ADGRE1: variants seen among roughly 807,000 people sequenced by gnomAD.
ADGRE1 encodes the protein adhesion G protein-coupled receptor E1, also known as EGF-like module receptor 1.
A neutral mutation model predicts 102.7 loss-of-function variants in ADGRE1; 82 were observed. The observed-to-expected ratio is 0.80, with a 90% CI of 0.67 to 0.96. ADGRE1 has a LOEUF of 0.96. Among genes scored for constraint, ADGRE1 ranks in the 40% least tolerant of loss-of-function variants. The pLI, the probability that ADGRE1 is intolerant of heterozygous loss-of-function variation, is 0.00. For synonymous variants in ADGRE1, 398 were observed against 399.6 expected (o/e 1.00, Z 0.05); for missense variants, 1,032 against 1,085.3 (o/e 0.95, Z 0.69).
Position 6,919,794 on chromosome 19 carries a change from C to T in ADGRE1, c.1620+47C>T, listed in dbSNP as rs781414508. On this transcript the variant is annotated intron_variant, in intron 13 of 20. Transcript: ENST00000312053. ...GAGATTCTTGTCTACCTGTTGGGAACTCCTCGTCTCTCGATTGCCTTAACT... is the reference window on the plus strand; with the variant it reads ...GAGATTCTTGTCTACCTGTTGGGAATTCCTCGTCTCTCGATTGCCTTAACT... 10 of 1,566,604 alleles carry T rather than the reference C, an allele frequency of 6.4e-6. No homozygotes were observed. The East Asian group carries it at 1.8e-4, about 28-fold the overall frequency.
intron 2 of ADGRE1, among the ~76,000 whole-genome samples, chr19:6,892,680 A>G (rs1973423495): frequency 6.6e-6 from 1 of 152,218 alleles, no homozygotes; most frequent in African/African-American, 2.4e-5. Context: ...CAACTCCACT[A>G]TTCACAATAG....
intron 17 of ADGRE1, among the ~76,000 whole-genome samples, chr19:6,931,903 A>C (rs549537704): frequency 3.3e-5 from 5 of 152,294 alleles, no homozygotes; most frequent in African/African-American, 1.2e-4. Flanking sequence ...TCTATTTCCA[A>C]ATAAGGTCTT....
chr19:6,919,267 G>A (rs568138516), intron 12 of ADGRE1, among the ~76,000 whole-genome samples: 1 of 151,538 alleles, frequency 6.6e-6, no homozygotes, highest in South Asian at 2.1e-4. Flanking sequence ...TCCTGACCTC[G>A]TGATCCACCC....
In ADGRE1 at chr19:6,901,877, G is replaced by A. The variant is rs752146835; in HGVS notation, c.517G>A (p.Val173Met). 15 of 1,613,958 alleles carry A rather than the reference G, an allele frequency of 9.3e-6. No individual in the cohort carries two copies. In the East Asian group the frequency reaches 1.1e-4, roughly 12 times the overall value. ...GGGTTTTCTCTTCCACTCTTCAGAC[G>A]TGGATGAATGTGCAGATCCAAGAGC... ...FISRNSTCED[V>M]DECADPRACP... The change falls in exon 6 of 21, where the codon GTG becomes ATG. Residue 173 changes from valine to methionine, a missense_variant and splice_region_variant. Coordinates refer to ENST00000312053, the MANE Select transcript of ADGRE1 (RefSeq NM_001974.5).
intron 1 of ADGRE1, among the ~76,000 whole-genome samples, chr19:6,887,923 T>G (rs115512169): frequency 2.6e-5 from 4 of 152,162 alleles, no homozygotes; most frequent in African/African-American, 9.7e-5. Context: ...AAAGACTAAG[T>G]TCCTGCACTC....
At chr19:6,910,005 A>G (rs1974113574) in intron 10 of ADGRE1, among the ~76,000 whole-genome samples, 1 of 152,236 alleles carries the variant, frequency 6.6e-6, no homozygotes, top group Admixed American at 6.5e-5. Context: ...AAGTGCTGGG[A>G]TTAGAGGTGT....
In ADGRE1 at chr19:6,928,268, C is replaced by A. The variant is rs774870113; in HGVS notation, c.2289+57C>A. 13 of 1,613,426 alleles carry A rather than the reference C, an allele frequency of 8.1e-6. No individual in the cohort carries two copies. The South Asian group carries it at 1.4e-4, about 18-fold the overall frequency. On this transcript the variant is annotated intron_variant, in intron 17 of 20. Transcript: ENST00000312053. ...GTGTTCTGAAGGAGGAGCAAGGAGA[C>A]CTGCGAGATCTGGAATTTCCAGGGA...
intron 16 of ADGRE1, 84 bp downstream of exon 16, chr19:6,926,685 C>T: frequency 7.3e-7 from 1 of 1,373,722 alleles, no homozygotes; most frequent in Non-Finnish European, 1.0e-6. Context: ...AGAGTAACAA[C>T]AGTAGCAGTA....
At chr19:6,909,249 T>G (rs1974084030) in intron 10 of ADGRE1, among the ~76,000 whole-genome samples, 1 of 152,214 alleles carries the variant, frequency 6.6e-6, no homozygotes, top group Non-Finnish European at 1.5e-5. Flanking sequence ...AAATTACCTT[T>G]TTACTTGTAT....
At chr19:6,935,490 GTTTT>G (rs998984421) in intron 18 of ADGRE1, among the ~76,000 whole-genome samples, 3 of 151,460 alleles carry the variant, frequency 2.0e-5, no homozygotes, top group Non-Finnish European at 4.4e-5. Flanking sequence ...GTTTTTTATG[GTTTT>G]TTTTCTCTCG....
intron 17 of ADGRE1, among the ~76,000 whole-genome samples, chr19:6,931,291 C>CT (rs1018085060): frequency 6.6e-6 from 1 of 152,046 alleles, no homozygotes; most frequent in Non-Finnish European, 1.5e-5. Flanking sequence ...GTGCTGATGT[C>CT]TATCAGATTT....
At chr19:6,935,851 A>G (rs1975381273) in intron 18 of ADGRE1, among the ~76,000 whole-genome samples, 1 of 152,228 alleles carries the variant, frequency 6.6e-6, no homozygotes, top group African/African-American at 2.4e-5. Flanking sequence ...CAACATTGTC[A>G]ACACTGGAGT....
chr19:6,916,591 TG>T (rs2144962680), intron 12 of ADGRE1, among the ~76,000 whole-genome samples: 1 of 152,252 alleles, frequency 6.6e-6, no homozygotes, highest in East Asian at 1.9e-4. Context: ...TGATATGTGC[TG>T]GTCACATTCT....
chr19:6,935,153 C>G, intron 18 of ADGRE1, 75 bp downstream of exon 18: 1 of 1,184,192 alleles, frequency 8.4e-7, no homozygotes, highest in Non-Finnish European at 1.2e-6. Context: ...TTGAGCACTT[C>G]TTGTGTGCTG....
chr19:6,889,196 G>C (rs532275927), intron 1 of ADGRE1, among the ~76,000 whole-genome samples: 5 of 151,480 alleles, frequency 3.3e-5, no homozygotes, highest in Non-Finnish European at 7.4e-5. Context: ...GGTGATGTTG[G>C]TGATTATGGT....
At chr19:6,919,878 A>G in intron 13 of ADGRE1, 131 bp downstream of exon 13, 1 of 829,404 alleles carries the variant, frequency 1.2e-6, no homozygotes, top group Non-Finnish European at 1.9e-6. Flanking sequence ...CAGCAATTCA[A>G]GCCAATTAAC....
At chr19:6,917,961 C>G (rs905981510) in intron 12 of ADGRE1, among the ~76,000 whole-genome samples, 17 of 151,932 alleles carry the variant, frequency 1.1e-4, no homozygotes, top group Non-Finnish European at 1.8e-4. Flanking sequence ...TGTGAGGAAG[C>G]CAGTGGTCTG....
chr19:6,922,017 G>A, intron 14 of ADGRE1, 134 bp downstream of exon 14: 1 of 1,049,514 alleles, frequency 9.5e-7, no homozygotes, highest in South Asian at 1.7e-5. Flanking sequence ...GACAGAAGGG[G>A]TAGGTGATAT....
chr19:6,921,753 G>T lies in ADGRE1; in HGVS notation c.1661G>T (p.Ser554Ile), dbSNP rs941392036. 6.2e-6 allele frequency: 10 copies of T among 1,613,710 alleles called. No individual in the cohort carries two copies. The African/African-American group carries it at 6.7e-5, about 11-fold the overall frequency. ...GAGAGGCCCATCTGTGTTTCCTGGAGCACTGATGTGAAGGGTGGAAGATGG... is the reference window on the plus strand; with the variant it reads ...GAGAGGCCCATCTGTGTTTCCTGGATCACTGATGTGAAGGGTGGAAGATGG... The part of the protein sequence containing the change: ...KFERPICVSW[S>I]TDVKGGRWTS... Residue 554 changes from serine (S) to isoleucine (I), a missense_variant, in exon 14 of 21, where the codon AGC (serine) becomes ATC (isoleucine). Transcript: ENST00000312053.
Sources: gnomAD v4.1 joint callset for allele counts (sites outside exome capture counted in the v4.1 genomes callset) on GRCh38, gnomAD v4.1.1 for gene constraint, MANE v1.5 for transcripts, NCBI Gene and HGNC (gene_info 2026-07-23, HGNC 2026-07-21) for gene names.